MDN1: variants seen among roughly 807,000 people sequenced by gnomAD.
The protein encoded by MDN1 is midasin.
In MDN1, 266 loss-of-function variants were observed where a neutral mutation model predicts 669.2. That is an observed-to-expected ratio of 0.40 (90% confidence interval 0.36 to 0.44). MDN1 has a LOEUF of 0.44. Among genes scored for constraint, MDN1 ranks in the 20% least tolerant of loss-of-function variants. The pLI is 1.00. For synonymous variants in MDN1, 2,385 were observed against 2,457.1 expected (o/e 0.97, Z 0.87); for missense variants, 5,940 against 6,754.0 (o/e 0.88, Z 4.22).
chr6:89,789,337 G>A (rs1378017095), intron 7 of MDN1, among the ~76,000 whole-genome samples: 4 of 152,062 alleles, frequency 2.6e-5, no homozygotes, highest in Non-Finnish European at 4.4e-5. Flanking sequence ...ACAAAGGCAA[G>A]CACACTCTTA....
rs139770253 is a variant in MDN1 at position 89,675,487 on chromosome 6, G to A, written c.12738C>T (p.Leu4246=). The change falls in exon 78 of 102, where the codon CTC becomes CTT. Residue 4246 remains leucine, a synonymous_variant. Coordinates refer to ENST00000369393, the MANE Select transcript of MDN1 (RefSeq NM_014611.3). ...LVRQRRSLTT[L]SEQWIILRNL... ...ACCTGAGGATGATCCACTGCTCACT[G>A]AGCGTGGTCAGGGAGCGCCGCTGTC... 8 of 1,613,432 alleles carry A rather than the reference G, an allele frequency of 5.0e-6. No individual in the cohort carries two copies. The highest frequency in any genetic ancestry group is 1.3e-5 in the African/African-American group (1 of 74,898).
rs775594749 is a variant in MDN1, at chr6:89,654,184, G to A, written c.15641C>T (p.Ser5214Leu). The A allele has an allele frequency of 6.2e-7, 1 of 1,614,208 alleles. No homozygotes were observed. Among genetic ancestry groups the A allele is most frequent in the South Asian group, 1.1e-5 (1 of 91,086 alleles). Reference sequence around the variant, plus strand: ...CTCACCCAAGGGTGCTGTGGTGCCCGACTTGATTTCCTCTGGCTTCAGCTG... The same window carrying A: ...CTCACCCAAGGGTGCTGTGGTGCCCAACTTGATTTCCTCTGGCTTCAGCTG... ...VEQLKPEEIKSGTTAPLGFDE... is the reference protein window; with the variant it reads ...VEQLKPEEIKLGTTAPLGFDE... Residue 5214 changes from serine to leucine, a missense_variant, in exon 93 of 102, where the codon TCG (serine) becomes TTG (leucine). By Grantham distance (145) the Ser-to-Leu change is moderately radical. Around this residue, in one of 5 missense-constraint regions of MDN1, gnomAD observed 2,280 missense variants for 2,576.3 expected, o/e 0.88. Transcript: ENST00000369393.
Position 89,670,988 on chromosome 6 carries a change from T to G in MDN1, c.13887A>C (p.Leu4629Phe), listed in dbSNP as rs1421663925. Residue 4629 changes from leucine to phenylalanine, a missense_variant, in exon 83 of 102, where the codon TTA becomes TTC. Transcript: ENST00000369393. ...GCTTTGCAGTACTACGGTGAGTTGC[T>G]AAAGACATGGTCAGGAAGAAGAGGA... ...DLVLFFLTMS[L>F]ATHRSTAKLL... is the part of the protein sequence containing the mutation. The G allele has an allele frequency of 6.2e-7, 1 of 1,614,048 alleles. No homozygotes were observed. Among genetic ancestry groups the G allele is most frequent in the Non-Finnish European group, 8.5e-7 (1 of 1,179,998 alleles).
chr6:89,705,412 A>G (rs1415740728), intron 53 of MDN1, among the ~76,000 whole-genome samples: 1 of 152,350 alleles, frequency 6.6e-6, no homozygotes, highest in East Asian at 1.9e-4. Context: ...TTACTAGAAT[A>G]ATCTGGATTA....
intron 33 of MDN1, among the ~76,000 whole-genome samples, chr6:89,734,683 A>ACG (rs1815816777): frequency 1.8e-5 from 1 of 55,012 alleles, no homozygotes; most frequent in African/African-American, 9.5e-5. Flanking sequence ...AAAAAAAAAA[A>ACG]AAAAAACAAG....
chr6:89,704,033 A>G (rs924613495), intron 53 of MDN1, among the ~76,000 whole-genome samples: 1 of 138,356 alleles, frequency 7.2e-6, no homozygotes, highest in African/African-American at 2.7e-5. Flanking sequence ...AAAAAAAAAA[A>G]TTGAGGATAT....
At chr6:89,781,924 G>A (rs561397740) in intron 9 of MDN1, among the ~76,000 whole-genome samples, 42 of 152,310 alleles carry the variant, frequency 2.8e-4, no homozygotes, top group Admixed American at 1.3e-3. Flanking sequence ...GGTTAAGGCT[G>A]CAGTGAGCAG....
At chr6:89,780,053 C>A (rs1584359308) in intron 11 of MDN1, among the ~76,000 whole-genome samples, 159 bp downstream of exon 11, 1 of 148,346 alleles carries the variant, frequency 6.7e-6, no homozygotes, top group Admixed American at 6.8e-5. Flanking sequence ...GGGACAAGAG[C>A]GAGAGACTTC....
chr6:89,774,875 T>A, intron 12 of MDN1, 142 bp from the exon 13 acceptor site: 1 of 577,558 alleles, frequency 1.7e-6, no homozygotes, highest in East Asian at 3.0e-5. Context: ...TGGCTTTTCA[T>A]AAAGAAATTT....
In MDN1 at chr6:89,750,350, C is replaced by T. The variant is rs1377533105; in HGVS notation, c.3406+4G>A. Reference sequence around the variant, plus strand: ...ATGTCCATGGAATGGAATCTTAACCCTACCTTCCTTAAAGACAAGCTTCCC... The same window carrying T: ...ATGTCCATGGAATGGAATCTTAACCTTACCTTCCTTAAAGACAAGCTTCCC... On this transcript the variant is annotated splice_donor_region_variant and intron_variant, in intron 24 of 101. Coordinates refer to ENST00000369393, the MANE Select transcript of MDN1 (RefSeq NM_014611.3). 11 of 1,603,008 alleles carry T rather than the reference C, an allele frequency of 6.9e-6. No homozygotes were observed. The highest frequency in any genetic ancestry group is 2.2e-5 in the East Asian group (1 of 44,588).
chr6:89,702,996 C>T (rs550878793), intron 53 of MDN1, among the ~76,000 whole-genome samples: 18 of 150,596 alleles, frequency 1.2e-4, no homozygotes, highest in Admixed American at 1.1e-3. Context: ...AGTGCAATGG[C>T]GCAATCTCAG....
chr6:89,781,178 CATTA>C lies in MDN1; in HGVS notation c.1643+217_1643+220del. 5.3e-6 allele frequency: 3 copies of C among 570,196 alleles called. No homozygotes were observed. In the South Asian group the frequency reaches 6.4e-5, roughly 12 times the overall value. The allele number at this position is 570,196 out of a possible 1,614,324, so 35.3% of individuals were successfully genotyped here. Reference sequence around the variant, plus strand: ...ATTACCCTAATCGAGCCTTCCCAGTCATTAATTATAAATCTGAAAAAGGGATCTG... The same window carrying C: ...ATTACCCTAATCGAGCCTTCCCAGTCATTATAAATCTGAAAAAGGGATCTG... On this transcript the variant is annotated intron_variant, in intron 10 of 101. Coordinates refer to ENST00000369393, the MANE Select transcript of MDN1 (RefSeq NM_014611.3).
At chr6:89,746,593 CAAA>C (rs34446722) in intron 27 of MDN1, among the ~76,000 whole-genome samples, 56 of 65,516 alleles carry the variant, frequency 8.5e-4, no homozygotes, top group East Asian at 3.5e-3. Flanking sequence ...GACTCTATCT[CAAA>C]AAAAAAAAAA....
chr6:89,813,078 T>TTA (rs1180378506), intron 1 of MDN1, among the ~76,000 whole-genome samples: 3 of 152,108 alleles, frequency 2.0e-5, no homozygotes, highest in Non-Finnish European at 4.4e-5. Context: ...GTAGCTGGGA[T>TTA]TATAGGCATG....
chr6:89,746,765 A>C (rs1184684968), intron 27 of MDN1, among the ~76,000 whole-genome samples: 5 of 152,194 alleles, frequency 3.3e-5, no homozygotes, highest in African/African-American at 1.2e-4. Flanking sequence ...TTAATCAATC[A>C]TCAGCACTTT....
At chr6:89,721,471 G>A (rs1056759148) in intron 40 of MDN1, among the ~76,000 whole-genome samples, 1 of 152,168 alleles carries the variant, frequency 6.6e-6, no homozygotes, top group Admixed American at 6.5e-5. Context: ...ACCTTTTAAA[G>A]GTATGGAGAG....
chr6:89,801,566 G>A (rs940254343), intron 2 of MDN1, among the ~76,000 whole-genome samples: 4 of 151,914 alleles, frequency 2.6e-5, no homozygotes, highest in African/African-American at 4.8e-5. Flanking sequence ...TGGGAGAATC[G>A]CTTAACCTGG....
chr6:89,764,403 G>C (rs764372633), intron 15 of MDN1, among the ~76,000 whole-genome samples: 16 of 152,036 alleles, frequency 1.1e-4, no homozygotes, highest in Non-Finnish European at 1.8e-4. Context: ...TCCAGAGTTC[G>C]ACACCACCGT....
intron 52 of MDN1, 125 bp from the exon 53 acceptor site, chr6:89,706,317 G>T: frequency 1.1e-6 from 1 of 897,340 alleles, no homozygotes; most frequent in South Asian, 2.8e-5. Context: ...AATTTTGAGA[G>T]CAAAAGCAAA....
Sources: allele counts gnomAD v4.1 joint callset (sites outside exome capture counted in the v4.1 genomes callset), GRCh38; gene constraint gnomAD v4.1.1; regional missense constraint gnomAD v4.1.1; transcripts MANE v1.5; gene names NCBI Gene and HGNC (gene_info 2026-07-23, HGNC 2026-07-21).